THSD4: variants seen among roughly 807,000 people sequenced by gnomAD.
THSD4 encodes thrombospondin type 1 domain containing 4.
A neutral mutation model predicts 119.0 loss-of-function variants in THSD4; 69 were observed. That is an observed-to-expected ratio of 0.58 (90% CI 0.48 to 0.71). THSD4 has a LOEUF of 0.71. Among genes scored for constraint, THSD4 ranks in the 30% least tolerant of loss-of-function variants. The probability of loss-of-function intolerance (pLI) is 0.00; values close to 1 mark genes in which losing one functional copy is unlikely to be tolerated. For synonymous variants in THSD4, 524 were observed against 540.4 expected, an observed-to-expected ratio of 0.97 and a Z score of 0.42; for missense variants, 1,393 against 1,391.1, an observed-to-expected ratio of 1.00 and a Z score of -0.02.
upstream of THSD4, chr15:71,111,460 G>A (rs757191438): frequency 2.5e-5 from 38 of 1,491,594 alleles, no homozygotes; most frequent in Non-Finnish European, 1.8e-6. Flanking sequence ...GGGTTAAGGA[G>A]GCAAGCAGGG....
chr15:71,746,125 A>G (rs6494961), intron 12 of THSD4, among the ~76,000 whole-genome samples: 114,461 of 152,156 alleles, frequency 0.75, 43,314 homozygotes, highest in East Asian at 0.9. Context: ...GAGGGTTTGC[A>G]AAACTGATAC....
At chr15:71,450,231 T>G (rs914614563) in intron 7 of THSD4, among the ~76,000 whole-genome samples, 1 of 152,200 alleles carries the variant, frequency 6.6e-6, no homozygotes, top group Non-Finnish European at 1.5e-5. Context: ...TATGCCTCAT[T>G]TGACTGGCAT....
chr15:71,676,244 G>A (rs2051647077), intron 8 of THSD4, among the ~76,000 whole-genome samples: 1 of 152,014 alleles, frequency 6.6e-6, no homozygotes, highest in South Asian at 2.1e-4. Flanking sequence ...GTATAATTCA[G>A]TGGCATTAAG....
chr15:71,689,202 A>G (rs948005151), intron 8 of THSD4, among the ~76,000 whole-genome samples: 4 of 152,220 alleles, frequency 2.6e-5, no homozygotes, highest in Admixed American at 6.5e-5. Flanking sequence ...AAAAAGTCAG[A>G]CCAAGGATGG....
chr15:71,259,707 G>C (rs1288184805), intron 6 of THSD4, among the ~76,000 whole-genome samples: 1 of 152,146 alleles, frequency 6.6e-6, no homozygotes, highest in African/African-American at 2.4e-5. Context: ...TGAACATCAG[G>C]ATTTCTTAAA....
chr15:71,525,554 G>C (rs2048506064), intron 7 of THSD4, among the ~76,000 whole-genome samples: 1 of 152,194 alleles, frequency 6.6e-6, no homozygotes, highest in South Asian at 2.1e-4. Context: ...CAGTTATACA[G>C]ATGTACAATG....
At chr15:71,450,136 C>G (rs1040168383) in intron 7 of THSD4, among the ~76,000 whole-genome samples, 3 of 152,148 alleles carry the variant, frequency 2.0e-5, no homozygotes, top group African/African-American at 7.2e-5. Flanking sequence ...TTTGAAAACT[C>G]AAGGATGGCA....
chr15:71,149,560 G>A (rs544220772), intron 2 of THSD4, among the ~76,000 whole-genome samples: 146 of 152,118 alleles, frequency 9.6e-4, no homozygotes, highest in African/African-American at 3.3e-3. Context: ...GCAAACATTT[G>A]TTATCTCCAG....
At chr15:71,158,835 A>T (rs2043225987) in intron 3 of THSD4, among the ~76,000 whole-genome samples, 1 of 152,100 alleles carries the variant, frequency 6.6e-6, no homozygotes, top group African/African-American at 2.4e-5. Flanking sequence ...GTTTGATGTC[A>T]TTCCATTTGT....
intron 7 of THSD4, among the ~76,000 whole-genome samples, chr15:71,437,989 A>C (rs2047036853): frequency 6.6e-6 from 1 of 152,304 alleles, no homozygotes; most frequent in South Asian, 2.1e-4. Flanking sequence ...ACCTTCAGGG[A>C]CTGGGCTAGG....
intron 8 of THSD4, among the ~76,000 whole-genome samples, chr15:71,724,364 C>T (rs1230781054): frequency 1.3e-5 from 2 of 149,102 alleles, no homozygotes; most frequent in Non-Finnish European, 3.0e-5. Flanking sequence ...CGGCTCACTG[C>T]AAGCTCCGCC....
chr15:71,695,548 T>C (rs1257674362), intron 8 of THSD4, among the ~76,000 whole-genome samples: 4 of 149,880 alleles, frequency 2.7e-5, no homozygotes, highest in African/African-American at 9.9e-5. Context: ...GCCCAGGGTA[T>C]TTGACTGTAA....
Position 71,589,743 on chromosome 15 carries a change from G to A in THSD4, c.1153-70787G>A, listed in dbSNP as rs1386811443. 2.2e-5 allele frequency among the ~76,000 whole-genome samples: 3 copies of A among 139,332 alleles called. 1 individual carries two copies. Among genetic ancestry groups the A allele is most frequent in the Non-Finnish European group, 3.3e-5 (2 of 61,226 alleles). The allele number at this position is 139,332 out of a possible 152,430, so 91.4% of individuals were successfully genotyped here. A position where few individuals can be genotyped will look rare whatever the true frequency, so the allele number is the denominator to read the frequency against. Reference sequence around the variant, plus strand: ...CCCTTGTACATGTGTGCACAGAGACGAGTACAATAATGTTGCTAGCAGCAC... The same window carrying A: ...CCCTTGTACATGTGTGCACAGAGACAAGTACAATAATGTTGCTAGCAGCAC... On this transcript the variant is annotated intron_variant, in intron 7 of 17. Coordinates refer to ENST00000261862, the MANE Select transcript of THSD4 (RefSeq NM_024817.3).
At chr15:71,702,772 G>C (rs531243571) in intron 8 of THSD4, among the ~76,000 whole-genome samples, 1 of 152,166 alleles carries the variant, frequency 6.6e-6, no homozygotes, top group South Asian at 2.1e-4. Flanking sequence ...ACACACTCAG[G>C]CACCTCCTTG....
intron 7 of THSD4, among the ~76,000 whole-genome samples, chr15:71,442,693 T>C (rs2047126061): frequency 8.5e-6 from 1 of 117,650 alleles, no homozygotes; most frequent in African/African-American, 3.1e-5. Context: ...TATATATATA[T>C]ATATATATAT....
intron 7 of THSD4, among the ~76,000 whole-genome samples, chr15:71,423,648 G>C (rs1290872534): frequency 6.6e-6 from 1 of 152,188 alleles, no homozygotes; most frequent in Non-Finnish European, 1.5e-5. Flanking sequence ...GGTTGGAGGA[G>C]GCGGAGTGTA....
chr15:71,770,957 C>T, intron 16 of THSD4, 107 bp from the exon 17 acceptor site: 1 of 1,498,304 alleles, frequency 6.7e-7, no homozygotes, highest in South Asian at 1.3e-5. Context: ...TTTTCATATT[C>T]TGTCTCCTTT....
chr15:71,756,387 A>G lies in THSD4; in HGVS notation c.2416-1515A>G, dbSNP rs371232740. ...TAAATCCAGGTAGAAACTTGAAAGC[A>G]AATCAGAAAAATAAAAGGAGGAATG... On this transcript the variant is annotated intron_variant, in intron 14 of 17. Transcript: ENST00000261862. 2.0e-5 allele frequency among the ~76,000 whole-genome samples: 3 copies of G among 152,340 alleles called. No homozygotes were observed. The East Asian group carries it at 5.8e-4, about 29-fold the overall frequency.
intron 7 of THSD4, among the ~76,000 whole-genome samples, chr15:71,548,890 G>A (rs577006543): frequency 3.3e-5 from 5 of 152,300 alleles, no homozygotes; most frequent in Admixed American, 3.3e-4. Context: ...GGAGACCCCC[G>A]AACTGAGCAA....
Sources: allele counts gnomAD v4.1 joint callset (sites outside exome capture counted in the v4.1 genomes callset), GRCh38; gene constraint gnomAD v4.1.1; transcripts MANE v1.5; gene names NCBI Gene and HGNC (gene_info 2026-07-23, HGNC 2026-07-21).